Variants in GALNT5 observed in about 807,000 individuals in gnomAD.
GALNT5 encodes the protein UDP-GalNAc:polypeptide N-acetylgalactosaminyltransferase 5.
Under a neutral mutation model 85.4 loss-of-function variants are expected in GALNT5, and 72 were observed. That is an observed-to-expected ratio of 0.84 (90% CI 0.70 to 1.03). The LOEUF is 1.03. Among genes scored for constraint, GALNT5 ranks in the 50% least tolerant of loss-of-function variants. The pLI, the probability that GALNT5 is intolerant of heterozygous loss-of-function variation, is 0.00. For synonymous variants in GALNT5, 404 were observed against 397.0 expected, an observed-to-expected ratio of 1.02 and a Z score of -0.21; for missense variants, 1,137 against 1,135.5, an observed-to-expected ratio of 1.00 and a Z score of -0.02.
At chr2:157,278,685 T>A (rs1395306110) in intron 1 of GALNT5, among the ~76,000 whole-genome samples, 1 of 152,222 alleles carries the variant, frequency 6.6e-6, no homozygotes, top group African/African-American at 2.4e-5. Context: ...AGGTCTTCTC[T>A]ACACTGTTTA....
chr2:157,311,205 C>T lies in GALNT5; in HGVS notation c.2683-3C>T, dbSNP rs1484222206. ...CTCATTCCCAGCTCTTCTTTCTCTC[C>T]AGGTGAATCACATTGTTTTTGAAAA... On this transcript the variant is annotated splice_region_variant and splice_polypyrimidine_tract_variant and intron_variant, in intron 9 of 9. Transcript: ENST00000259056. 1.2e-6 allele frequency: 2 copies of T among 1,606,504 alleles called. No individual in the cohort carries two copies. Among genetic ancestry groups the T allele is most frequent in the Non-Finnish European group, 1.7e-6 (2 of 1,175,368 alleles).
intron 6 of GALNT5, among the ~76,000 whole-genome samples, chr2:157,300,346 A>G (rs1683313260): frequency 6.6e-6 from 1 of 152,204 alleles, no homozygotes; most frequent in Non-Finnish European, 1.5e-5. Context: ...ACGTGAACAA[A>G]TGGACATCTA....
Position 157,259,318 on chromosome 2 carries a change from C to G in GALNT5, c.1236C>G (p.Ala412=), listed in dbSNP as rs373137973. 1.7e-5 allele frequency: 27 copies of G among 1,584,214 alleles called. No individual in the cohort carries two copies. The highest frequency in any genetic ancestry group is 2.3e-5 in the Non-Finnish European group (27 of 1,168,058). ...AATACAACCAGAGTCATATAAAAGC[C>G]CTTTTACCTGAAGACAGTGGAACGC... ...STEYNQSHIK[A]LLPEDSGTHQ... The change falls in exon 1 of 10, where the codon GCC becomes GCG. Residue 412 remains alanine (A), a synonymous_variant. Coordinates refer to ENST00000259056, the MANE Select transcript of GALNT5 (RefSeq NM_014568.3).
At chr2:157,299,370 C>A (rs1216656802) in intron 5 of GALNT5, among the ~76,000 whole-genome samples, 178 bp from the exon 6 acceptor site, 1 of 152,152 alleles carries the variant, frequency 6.6e-6, no homozygotes, top group East Asian at 1.9e-4. Context: ...AGCTCTGCCA[C>A]CATGATCCAG....
Position 157,284,354 on chromosome 2 carries a change from G to C in GALNT5, c.1527G>C (p.Trp509Cys), listed in dbSNP as rs1682925084. The C allele has an allele frequency of 6.2e-7, 1 of 1,613,628 alleles. No individual in the cohort carries two copies. Among genetic ancestry groups the C allele is most frequent in the Non-Finnish European group, 8.5e-7 (1 of 1,179,562 alleles). ...SVIMCFVDEV[W>C]STLLRSVHSV... Reference sequence around the variant, plus strand: ...TCATGTGCTTTGTGGATGAAGTGTGGTCCACTCTCCTGAGATCTGTTCACA... The same window carrying C: ...TCATGTGCTTTGTGGATGAAGTGTGCTCCACTCTCCTGAGATCTGTTCACA... The change falls in exon 2 of 10, where the codon TGG becomes TGC. Residue 509 changes from tryptophan (W) to cysteine (C), a missense_variant. Coordinates refer to ENST00000259056, the MANE Select transcript of GALNT5 (RefSeq NM_014568.3).
Position 157,311,425 on chromosome 2 carries a change from C to G in GALNT5, c.*77C>G. On this transcript the variant is annotated 3_prime_UTR_variant, in exon 10 of 10. Transcript: ENST00000259056. ...CACTGAACTTGGAAACTATATTTCT[C>G]AGCGGTAGTTTAAATTTTCAATTTT... The G allele has an allele frequency of 1.0e-6, 1 of 956,124 alleles. No homozygotes were observed. The highest frequency in any genetic ancestry group is 2.8e-5 in the Admixed American group (1 of 35,806). 59.2% of individuals were successfully genotyped at this position (956,124 alleles called of 1,614,324 possible). A position where few individuals can be genotyped will look rare whatever the true frequency, so the allele number is the denominator to read the frequency against.
chr2:157,268,164 C>T (rs1339634825), intron 1 of GALNT5, among the ~76,000 whole-genome samples: 1 of 152,146 alleles, frequency 6.6e-6, no homozygotes. Context: ...CCACATAGTA[C>T]ATCTTGACTG....
chr2:157,307,484 A>G (rs538866464), intron 8 of GALNT5, among the ~76,000 whole-genome samples: 3 of 152,276 alleles, frequency 2.0e-5, no homozygotes, highest in Non-Finnish European at 2.9e-5. Context: ...TAACTTCCTT[A>G]TATTATGCCA....
intron 1 of GALNT5, among the ~76,000 whole-genome samples, chr2:157,271,545 G>C (rs1439385330): frequency 6.6e-6 from 1 of 152,192 alleles, no homozygotes; most frequent in Non-Finnish European, 1.5e-5. Context: ...AGATGTTATA[G>C]CTGAGATATC....
chr2:157,301,136 T>C, intron 7 of GALNT5, 137 bp downstream of exon 7: 1 of 663,366 alleles, frequency 1.5e-6, no homozygotes, highest in Non-Finnish European at 2.5e-6. Context: ...AAAGCATGGC[T>C]GAGAATTAAA....
intron 1 of GALNT5, 43 bp from the exon 2 acceptor site, chr2:157,284,239 C>G: frequency 6.4e-7 from 1 of 1,563,550 alleles, no homozygotes; most frequent in Non-Finnish European, 8.8e-7. Flanking sequence ...TCTTGTGGAT[C>G]TCCTTAGCAC....
At chr2:157,259,738 G>A (rs1442206781) in intron 1 of GALNT5, among the ~76,000 whole-genome samples, 7 of 152,196 alleles carry the variant, frequency 4.6e-5, no homozygotes, top group African/African-American at 1.2e-4. Context: ...CTTGTTCTCT[G>A]AGACTTTGGT....
intron 8 of GALNT5, among the ~76,000 whole-genome samples, chr2:157,307,202 A>G (rs1248517385): frequency 6.6e-6 from 1 of 152,126 alleles, no homozygotes; most frequent in Non-Finnish European, 1.5e-5. Flanking sequence ...TTTGTTGCTC[A>G]TTTTTAGCTT....
intron 1 of GALNT5, among the ~76,000 whole-genome samples, chr2:157,277,684 C>T (rs1558894131): frequency 6.6e-6 from 1 of 152,180 alleles, no homozygotes; most frequent in East Asian, 1.9e-4. Flanking sequence ...GTAGATCCTC[C>T]TCCATCCCTT....
chr2:157,265,451 CTAAT>C (rs1295428908), intron 1 of GALNT5, among the ~76,000 whole-genome samples: 1 of 152,156 alleles, frequency 6.6e-6, no homozygotes, highest in African/African-American at 2.4e-5. Flanking sequence ...TAAACAGTGC[CTAAT>C]TAATAGAAAA....
intron 1 of GALNT5, among the ~76,000 whole-genome samples, chr2:157,281,199 G>A (rs1410246971): frequency 4.6e-5 from 7 of 152,080 alleles, no homozygotes; most frequent in Admixed American, 4.6e-4. Flanking sequence ...CAAGTAGCTG[G>A]GATTACAGGC....
chr2:157,296,550 G>T lies in GALNT5; in HGVS notation c.1997+37G>T, dbSNP rs201564950. 1.3e-4 allele frequency: 200 copies of T among 1,527,166 alleles called. 1 individual carries two copies. The highest frequency in any genetic ancestry group is 5.0e-4 in the South Asian group (44 of 87,632). The allele number at this position is 1,527,166 out of a possible 1,614,324, so 94.6% of individuals were successfully genotyped here. A position where few individuals can be genotyped will look rare whatever the true frequency, so the allele number is the denominator to read the frequency against. Reference sequence around the variant, plus strand: ...AAATTTAAGACTAGAAAGCAGTCATGTATCTTTTTGTAAAAGCATTAAAAA... The same window carrying T: ...AAATTTAAGACTAGAAAGCAGTCATTTATCTTTTTGTAAAAGCATTAAAAA... On this transcript the variant is annotated intron_variant, in intron 5 of 9. Transcript: ENST00000259056.
intron 7 of GALNT5, chr2:157,302,346 T>A (rs370867073): frequency 2.6e-5 from 4 of 152,272 alleles, no homozygotes; most frequent in South Asian, 4.1e-4. Flanking sequence ...CTTAAAAAAA[T>A]GGTTCTGTTT....
intron 1 of GALNT5, among the ~76,000 whole-genome samples, chr2:157,272,388 A>C (rs1413472053): frequency 6.6e-6 from 1 of 152,102 alleles, no homozygotes; most frequent in Non-Finnish European, 1.5e-5. Context: ...AATAATTTCA[A>C]CATTTTAGAT....
Sources: gnomAD v4.1 joint callset for allele counts (sites outside exome capture counted in the v4.1 genomes callset) on GRCh38, gnomAD v4.1.1 for gene constraint, MANE v1.5 for transcripts, NCBI Gene and HGNC (gene_info 2026-07-23, HGNC 2026-07-21) for gene names.